The following RBFOX1 variants were observed in gnomAD, a reference collection of about 807,000 sequenced individuals.
RBFOX1 encodes RNA binding fox-1 homolog 1.
RBFOX1 carries 8 observed loss-of-function variants against 57.7 expected under a neutral mutation model. That is an observed-to-expected ratio of 0.14 (90% CI 0.08 to 0.25). The LOEUF (loss-of-function observed/expected upper bound fraction) is 0.25. RBFOX1 is among the 10% of genes least tolerant of loss of function. RBFOX1 has a pLI of 1.00. For synonymous variants in RBFOX1, 326 were observed against 222.4 expected, an observed-to-expected ratio of 1.47 and a Z score of -4.15; for missense variants, 611 against 548.5, an observed-to-expected ratio of 1.11 and a Z score of -1.14.
intron 5 of RBFOX1, among the ~76,000 whole-genome samples, chr16:7,534,825 C>T (rs2081094009): frequency 6.6e-6 from 1 of 152,132 alleles, no homozygotes; most frequent in Non-Finnish European, 1.5e-5. Context: ...CCCTGGGCTG[C>T]TCAAACGTCT....
At chr16:7,054,232 G>GGTT (rs2051202151) in intron 4 of RBFOX1, among the ~76,000 whole-genome samples, 3 of 32,700 alleles carry the variant, frequency 9.2e-5, no homozygotes, top group Non-Finnish European at 1.5e-4. Context: ...GGGGCGGGGA[G>GGTT]CTTTTTTTTT....
intron 1 of RBFOX1, among the ~76,000 whole-genome samples, chr16:6,183,582 AG>A (rs1167192709): frequency 6.6e-6 from 1 of 152,068 alleles, no homozygotes; most frequent in African/African-American, 2.4e-5. Flanking sequence ...TATATGAGAG[AG>A]GGGTCTGGGA....
intron 2 of RBFOX1, among the ~76,000 whole-genome samples, chr16:6,404,093 G>A (rs748305993): frequency 3.6e-4 from 54 of 152,062 alleles, no homozygotes; most frequent in African/African-American, 9.9e-4. Context: ...CCATGGACTC[G>A]GCATCCATGG....
intron 3 of RBFOX1, among the ~76,000 whole-genome samples, chr16:7,043,757 C>G (rs527906606): frequency 6.6e-6 from 1 of 152,310 alleles, no homozygotes; most frequent in Non-Finnish European, 1.5e-5. Flanking sequence ...TGGACTCCTA[C>G]TTTCCCCAGT....
At chr16:5,876,469 A>C (rs2057614244) in intron 4 of RBFOX1, among the ~76,000 whole-genome samples, 1 of 152,184 alleles carries the variant, frequency 6.6e-6, no homozygotes, top group Admixed American at 6.5e-5. Flanking sequence ...AAGTGAAGTC[A>C]GGAGTCACCT....
At chr16:5,265,429 A>G (rs547593136) in intron 1 of RBFOX1, among the ~76,000 whole-genome samples, 34 of 152,284 alleles carry the variant, frequency 2.2e-4, no homozygotes, top group Non-Finnish European at 4.1e-4. Flanking sequence ...AACACGACCA[A>G]TGCTTTTGCT....
At chr16:6,000,981 A>T (rs1596377793) in intron 4 of RBFOX1, among the ~76,000 whole-genome samples, 2 of 151,714 alleles carry the variant, frequency 1.3e-5, no homozygotes, top group Middle Eastern at 3.4e-3. Flanking sequence ...GGATGGGTGG[A>T]TGGATAGCTG....
chr16:6,357,703 C>T (rs1372235751), intron 2 of RBFOX1, among the ~76,000 whole-genome samples: 2 of 152,078 alleles, frequency 1.3e-5, no homozygotes, highest in South Asian at 4.1e-4. Flanking sequence ...AATCCCAGCA[C>T]TTTGGGAGTC....
At chr16:6,527,283 T>A (rs1022311151) in intron 2 of RBFOX1, among the ~76,000 whole-genome samples, 9 of 152,142 alleles carry the variant, frequency 5.9e-5, no homozygotes, top group African/African-American at 2.2e-4. Flanking sequence ...TGTCTGTATA[T>A]TTTCAGAAAT....
intron 3 of RBFOX1, among the ~76,000 whole-genome samples, chr16:5,621,123 G>A (rs1334509772): frequency 6.6e-6 from 1 of 152,184 alleles, no homozygotes; most frequent in Non-Finnish European, 1.5e-5. Context: ...TACAGGCGTT[G>A]AGCCAATGCG....
At position 6,820,500 on chromosome 16, in the gene RBFOX1, T is replaced by C. The variant is rs74417347; in HGVS notation, c.-16+165850T>C. Reference sequence around the variant, plus strand: ...AGAAAAACCGTCTCTACAGAAAAAGTTTTTAAAAAGTAACTGGGTATGGTG... The same window carrying C: ...AGAAAAACCGTCTCTACAGAAAAAGCTTTTAAAAAGTAACTGGGTATGGTG... On this transcript the variant is annotated intron_variant, in intron 3 of 15. Coordinates refer to ENST00000550418, the MANE Select transcript of RBFOX1 (RefSeq NM_018723.4). Among the ~76,000 whole-genome samples the C allele has an allele frequency of 6.1e-4, 93 of 151,830 alleles. 1 individual carries two copies. The East Asian group carries it at 0.016, about 27-fold the overall frequency.
chr16:6,908,805 T>C (rs546861820), intron 3 of RBFOX1, among the ~76,000 whole-genome samples: 1 of 152,082 alleles, frequency 6.6e-6, no homozygotes, highest in African/African-American at 2.4e-5. Context: ...GTTACCTCAT[T>C]GATAAATGGA....
intron 2 of RBFOX1, among the ~76,000 whole-genome samples, chr16:5,480,346 C>T (rs1380469018): frequency 6.6e-6 from 1 of 151,750 alleles, no homozygotes; most frequent in Non-Finnish European, 1.5e-5. Flanking sequence ...TCCATAAACA[C>T]CTCGCCCATC....
intron 2 of RBFOX1, among the ~76,000 whole-genome samples, chr16:5,569,908 C>T (rs539098369): frequency 2.1e-4 from 32 of 152,256 alleles, no homozygotes; most frequent in Admixed American, 8.5e-4. Context: ...AAGAACAAGA[C>T]GTAATGTCAG....
chr16:5,996,516 G>A (rs1281429488), intron 4 of RBFOX1, among the ~76,000 whole-genome samples: 1 of 150,640 alleles, frequency 6.6e-6, no homozygotes, highest in African/African-American at 2.4e-5. Context: ...GAGGTCCTAG[G>A]AGGGCACAGG....
At chr16:7,368,659 A>G (rs1346117536) in intron 4 of RBFOX1, among the ~76,000 whole-genome samples, 1 of 151,940 alleles carries the variant, frequency 6.6e-6, no homozygotes, top group Non-Finnish European at 1.5e-5. Flanking sequence ...GGGCACCTGT[A>G]GTCCCAGCTA....
chr16:7,304,542 C>T (rs1393153978), intron 4 of RBFOX1: 2 of 985,186 alleles, frequency 2.0e-6, no homozygotes, highest in South Asian at 4.7e-5. Flanking sequence ...CAGATGGGTC[C>T]CCGCGCGTAC....
chr16:6,163,459 G>A lies in RBFOX1; in HGVS notation c.-127+143467G>A, dbSNP rs560728432. ...TATAGCCCTTGGTTATGCTAAATAC[G>A]TTAGTAGCTGAAAGTTTCCAGGACT... On this transcript the variant is annotated intron_variant, in intron 1 of 15. Transcript: ENST00000550418. Among the ~76,000 whole-genome samples the A allele has an allele frequency of 1.8e-4, 27 of 152,314 alleles. 1 individual carries two copies. The South Asian group carries it at 4.1e-3, about 23-fold the overall frequency.
chr16:5,454,184 G>C (rs566914550), intron 1 of RBFOX1, among the ~76,000 whole-genome samples: 1 of 152,290 alleles, frequency 6.6e-6, no homozygotes, highest in African/African-American at 2.4e-5. Context: ...GAGAGAACAG[G>C]CACTTCCAGC....
Sources: gnomAD v4.1 joint callset for allele counts (sites outside exome capture counted in the v4.1 genomes callset) on GRCh38, gnomAD v4.1.1 for gene constraint, MANE v1.5 for transcripts, NCBI Gene and HGNC (gene_info 2026-07-23, HGNC 2026-07-21) for gene names.